The following DENND5A variants were observed in gnomAD, a reference collection of about 807,000 sequenced individuals.
DENND5A encodes the protein DENN domain-containing protein 5A.
DENND5A carries 64 observed loss-of-function variants against 140.3 expected under a neutral mutation model. That is an observed-to-expected ratio of 0.46 (90% CI 0.37 to 0.56). DENND5A has a LOEUF of 0.56. DENND5A is among the 20% of genes least tolerant of loss of function. DENND5A has a pLI of 0.00. For missense variants in DENND5A, 1,292 were observed against 1,593.8 expected (o/e 0.81, Z 3.22); for synonymous variants, 605 against 607.7 (o/e 1.00, Z 0.07).
Position 9,242,325 on chromosome 11 carries a change from T to C in DENND5A, c.109+22636A>G, listed in dbSNP as rs550744493. 3 of 152,294 alleles carry C rather than the reference T, an allele frequency of 2.0e-5. No homozygotes were observed. In the East Asian group the frequency reaches 5.8e-4, roughly 29 times the overall value. The allele number at this position is 152,294 out of a possible 1,614,324, so 9.4% of individuals were successfully genotyped here. A position where few individuals can be genotyped will look rare whatever the true frequency, so the allele number is the denominator to read the frequency against. On this transcript the variant is annotated intron_variant, in intron 1 of 22. Coordinates refer to ENST00000328194, the MANE Select transcript of DENND5A (RefSeq NM_015213.4). ...ACTAACTTTGAGATCTTCTAGACAA[T>C]CACTGATTGCAAGACACTCACTCTC...
At chr11:9,244,101 G>C (rs1452741922) in intron 1 of DENND5A, among the ~76,000 whole-genome samples, 1 of 152,146 alleles carries the variant, frequency 6.6e-6, no homozygotes, top group African/African-American at 2.4e-5. Context: ...CAGAGAATTA[G>C]TGCCCCTAAC....
chr11:9,178,451 C>G (rs1590237902), intron 7 of DENND5A, 85 bp from the exon 8 acceptor site: 1 of 808,646 alleles, frequency 1.2e-6, no homozygotes, highest in Non-Finnish European at 2.0e-6. Flanking sequence ...TAATTATTCT[C>G]TGAGGCTGCC....
At chr11:9,202,395 T>A (rs1054902504) in intron 4 of DENND5A, among the ~76,000 whole-genome samples, 2 of 152,162 alleles carry the variant, frequency 1.3e-5, no homozygotes, top group African/African-American at 4.8e-5. Flanking sequence ...AATAAACACA[T>A]GAGAATTTAG....
intron 1 of DENND5A, among the ~76,000 whole-genome samples, chr11:9,252,235 T>G (rs1187174801): frequency 2.2e-5 from 3 of 135,898 alleles, no homozygotes; most frequent in African/African-American, 8.5e-5. Context: ...GAGGCAGAGG[T>G]TGCAGTGCCG....
rs1001876830 is a variant in DENND5A at position 9,197,030 on chromosome 11, T to C, written c.950-3349A>G. Among the ~76,000 whole-genome samples, 6 of 151,740 alleles carry C rather than the reference T, an allele frequency of 4.0e-5. No homozygotes were observed. In the East Asian group the frequency reaches 1.2e-3, roughly 29 times the overall value. On this transcript the variant is annotated intron_variant, in intron 4 of 22. Coordinates refer to ENST00000328194, the MANE Select transcript of DENND5A (RefSeq NM_015213.4). ...ATAAAAAATAGTACATTAGGCCAGG[T>C]GTGGTGGCTCATGCCTGTAATCCTA...
rs1279442643 is a variant in DENND5A, at chr11:9,150,086, G to C, written c.2730C>G (p.Leu910=). The C allele has an allele frequency of 3.1e-6, 5 of 1,611,574 alleles. No individual in the cohort carries two copies. The highest frequency in any genetic ancestry group is 4.2e-6 in the Non-Finnish European group (5 of 1,178,898). ...TCCTGGCGGAGCAGCCTTACTTGGT[G>C]AGCTCATGGTCTGAGAGGAGCTGCT... The part of the protein sequence containing the change: ...HLKQLLSDHE[L]TKKLYKRYAF... The change falls in exon 15 of 23, where the codon CTC becomes CTG. Residue 910 remains leucine, a synonymous_variant. Coordinates refer to ENST00000328194, the MANE Select transcript of DENND5A (RefSeq NM_015213.4).
At chr11:9,186,523 T>C (rs569068495) in intron 5 of DENND5A, among the ~76,000 whole-genome samples, 1 of 152,350 alleles carries the variant, frequency 6.6e-6, no homozygotes, top group South Asian at 2.1e-4. Context: ...CAGAAACAGC[T>C]AGAAATACCT....
intron 4 of DENND5A, among the ~76,000 whole-genome samples, chr11:9,200,578 A>C (rs1849488966): frequency 6.6e-6 from 1 of 152,240 alleles, no homozygotes; most frequent in Admixed American, 6.5e-5. Context: ...TAGTAACATC[A>C]GGCCAGTATA....
intron 1 of DENND5A, among the ~76,000 whole-genome samples, chr11:9,222,112 A>G (rs551709255): frequency 3.6e-4 from 55 of 152,342 alleles, no homozygotes; most frequent in African/African-American, 1.1e-3. Context: ...TTAAGAGGAC[A>G]TGAGCTTTTT....
chr11:9,223,527 G>A (rs540017884), intron 1 of DENND5A, among the ~76,000 whole-genome samples: 28 of 151,174 alleles, frequency 1.9e-4, no homozygotes, highest in Non-Finnish European at 3.1e-4. Context: ...GCAACAGAGC[G>A]AGACTCCATC....
intron 1 of DENND5A, among the ~76,000 whole-genome samples, chr11:9,226,994 C>A (rs1483858519): frequency 1.3e-5 from 2 of 151,926 alleles, no homozygotes; most frequent in African/African-American, 4.8e-5. Flanking sequence ...CATGGAGAAA[C>A]CCTGTCTCTA....
chr11:9,243,678 G>A (rs936676791), intron 1 of DENND5A, among the ~76,000 whole-genome samples: 2 of 152,148 alleles, frequency 1.3e-5, no homozygotes, highest in African/African-American at 4.8e-5. Flanking sequence ...ACAAGGTCAG[G>A]AGTTTGACAC....
At chr11:9,218,042 T>C (rs906125250) in intron 1 of DENND5A, among the ~76,000 whole-genome samples, 7 of 152,106 alleles carry the variant, frequency 4.6e-5, no homozygotes, top group Non-Finnish European at 8.8e-5. Context: ...ATTGTTTGAG[T>C]CCAGGAGTTC....
intron 11 of DENND5A, among the ~76,000 whole-genome samples, chr11:9,162,649 A>G (rs919662495): frequency 6.6e-6 from 1 of 152,082 alleles, no homozygotes; most frequent in African/African-American, 2.4e-5. Context: ...AAACTACAGA[A>G]AAGCAAGAAA....
intron 1 of DENND5A, among the ~76,000 whole-genome samples, chr11:9,258,109 A>G (rs1777769945): frequency 1.3e-5 from 2 of 152,108 alleles, no homozygotes; most frequent in Admixed American, 6.6e-5. Context: ...CAGTACACAC[A>G]GTATTCTTTC....
intron 1 of DENND5A, among the ~76,000 whole-genome samples, chr11:9,261,466 G>C (rs17257379): frequency 0.21 from 31,538 of 152,018 alleles, 3,435 homozygotes; most frequent in African/African-American, 0.25. Flanking sequence ...CCTGCTATTT[G>C]TACTCTGCTT....
chr11:9,159,975 G>A (rs1364801442), intron 12 of DENND5A, among the ~76,000 whole-genome samples: 4 of 152,208 alleles, frequency 2.6e-5, no homozygotes, highest in African/African-American at 9.6e-5. Flanking sequence ...ATACCCATTA[G>A]AATGACACAG....
intron 1 of DENND5A, among the ~76,000 whole-genome samples, chr11:9,251,890 G>A (rs371534245): frequency 1.3e-5 from 2 of 151,796 alleles, no homozygotes; most frequent in African/African-American, 4.8e-5. Context: ...TCGGGAGGCT[G>A]AGGCAGGAGA....
chr11:9,211,201 A>C (rs1466049147), intron 1 of DENND5A, among the ~76,000 whole-genome samples: 3 of 152,162 alleles, frequency 2.0e-5, no homozygotes, highest in Non-Finnish European at 1.5e-5. Flanking sequence ...GCAAATTTTA[A>C]GGCAAACCAC....
Sources: allele counts gnomAD v4.1 joint callset (sites outside exome capture counted in the v4.1 genomes callset), GRCh38; gene constraint gnomAD v4.1.1; transcripts MANE v1.5; gene names NCBI Gene and HGNC (gene_info 2026-07-23, HGNC 2026-07-21).